The following BAIAP2 variants were observed in gnomAD, a reference collection of about 807,000 sequenced individuals.
BAIAP2 encodes BAR/IMD domain containing adaptor protein 2, also known as BAR/IMD domain-containing adapter protein 2.
A neutral mutation model predicts 63.0 loss-of-function variants in BAIAP2; 18 were observed. The ratio of observed to expected loss-of-function variants is 0.29; its 90% confidence interval spans 0.20 to 0.42. The LOEUF (loss-of-function observed/expected upper bound fraction) is 0.42, where lower values mean the gene tolerates loss of function less well. Ranked by LOEUF, BAIAP2 falls within the 10% of genes least tolerant of loss-of-function variation. BAIAP2 has a pLI of 1.00. For synonymous variants in BAIAP2, 386 were observed against 307.6 expected (o/e 1.25, Z -2.67); for missense variants, 610 against 734.3 (o/e 0.83, Z 1.96).
At chr17:81,040,388 A>G in intron 1 of BAIAP2, among the ~76,000 whole-genome samples, 1 of 152,212 alleles carries the variant, frequency 6.6e-6, no homozygotes, top group East Asian at 1.9e-4. Flanking sequence ...CCGGCCTCCA[A>G]CGCACTTCCA....
intron 1 of BAIAP2, among the ~76,000 whole-genome samples, chr17:81,044,759 T>G (rs2143712009): frequency 6.6e-6 from 1 of 152,350 alleles, no homozygotes; most frequent in African/African-American, 2.4e-5. Flanking sequence ...CTCAGTCAGA[T>G]CGCAGCCCGC....
rs2055662537 is a variant in BAIAP2 at position 81,086,433 on chromosome 17, T to C, written c.352-10T>C. On this transcript the variant is annotated splice_polypyrimidine_tract_variant and intron_variant, in intron 5 of 13. Coordinates refer to ENST00000428708, the MANE Select transcript of BAIAP2 (RefSeq NM_001144888.2). ...GGCCTTGGTTTTGTGTTTTATTGTT[T>C]GAATCTCAGGCTGCGCTGAAGAAAT... 1.2e-6 allele frequency: 2 copies of C among 1,613,196 alleles called. No homozygotes were observed. The highest frequency in any genetic ancestry group is 1.7e-5 in the Admixed American group (1 of 59,930).
At chr17:81,042,758 G>C (rs903007688) in intron 1 of BAIAP2, among the ~76,000 whole-genome samples, 2 of 152,142 alleles carry the variant, frequency 1.3e-5, no homozygotes, top group Non-Finnish European at 2.9e-5. Context: ...TCCCCTAGCC[G>C]CAGGAGCTGG....
chr17:81,039,776 A>G (rs529052742), intron 1 of BAIAP2, among the ~76,000 whole-genome samples: 3 of 152,306 alleles, frequency 2.0e-5, no homozygotes, highest in East Asian at 1.9e-4. Context: ...TCTGCTGGCT[A>G]CAGGCACCAT....
chr17:81,059,911 C>T (rs2050251748), intron 3 of BAIAP2, among the ~76,000 whole-genome samples: 1 of 152,172 alleles, frequency 6.6e-6, no homozygotes, highest in Non-Finnish European at 1.5e-5. Context: ...GGTGGGATTC[C>T]AGAACTTCCT....
At chr17:81,110,851 C>T in intron 13 of BAIAP2, 2 of 1,605,332 alleles carry the variant, frequency 1.2e-6, no homozygotes, top group South Asian at 2.2e-5. Flanking sequence ...GTCCCCCCTC[C>T]TCTGCACCCC....
chr17:81,107,542 A>G (rs2059329279), intron 12 of BAIAP2: 1 of 152,362 alleles, frequency 6.6e-6, no homozygotes, highest in African/African-American at 2.4e-5. Flanking sequence ...GCCGGGTTCC[A>G]GCCCGCTCCG....
rs2054917280 is a variant in BAIAP2 at position 81,083,111 on chromosome 17, G to GCCAGC, written c.218-1714_218-1710dup. 2.0e-5 allele frequency: 3 copies of GCCAGC among 152,282 alleles called. No individual in the cohort carries two copies. The South Asian group carries it at 6.2e-4, about 31-fold the overall frequency. The allele number at this position is 152,282 out of a possible 1,614,324, so 9.4% of individuals were successfully genotyped here. A position where few individuals can be genotyped will look rare whatever the true frequency, so the allele number is the denominator to read the frequency against. ...CTTTGAGGAGGGGAAGTGACCCAAG[G>GCCAGC]CCAGCCCAGCCGTGGTCCTGGGAGG... On this transcript the variant is annotated intron_variant, in intron 3 of 13. Coordinates refer to ENST00000428708, the MANE Select transcript of BAIAP2 (RefSeq NM_001144888.2).
chr17:81,111,100 C>T, intron 13 of BAIAP2: 1 of 981,802 alleles, frequency 1.0e-6, no homozygotes, highest in East Asian at 2.6e-5. Flanking sequence ...GCCTCTCACT[C>T]TGGGTGCTGG....
At chr17:81,076,889 C>G (rs571943041) in intron 3 of BAIAP2, among the ~76,000 whole-genome samples, 2 of 152,222 alleles carry the variant, frequency 1.3e-5, no homozygotes, top group African/African-American at 2.4e-5. Context: ...GAGGATCCCT[C>G]GAACCCAGGA....
Position 81,110,517 on chromosome 17 carries a change from G to A in BAIAP2, c.1535+2008G>A, listed in dbSNP as rs78937000. ...AATAAAAGTTTTATTTATTGCACGAGTTGGGTATGGACCTCCTTCCGGTTC... is the reference window on the plus strand; with the variant it reads ...AATAAAAGTTTTATTTATTGCACGAATTGGGTATGGACCTCCTTCCGGTTC... On this transcript the variant is annotated intron_variant, in intron 13 of 13. Transcript: ENST00000428708. 10 of 1,084,358 alleles carry A rather than the reference G, an allele frequency of 9.2e-6. No homozygotes were observed. The South Asian group carries it at 1.2e-4, about 13-fold the overall frequency. The allele number at this position is 1,084,358 out of a possible 1,614,324, so 67.2% of individuals were successfully genotyped here.
chr17:81,077,932 A>G (rs1456250131), intron 3 of BAIAP2, among the ~76,000 whole-genome samples: 10 of 118,446 alleles, frequency 8.4e-5, no homozygotes, highest in African/African-American at 1.3e-4. Flanking sequence ...TCGGAGCTGG[A>G]TGCTGTGGGT....
rs1242896150 is a variant in BAIAP2 at position 81,116,651 on chromosome 17, C to T, written c.*812C>T. 8.4e-6 allele frequency: 3 copies of T among 358,216 alleles called. No individual in the cohort carries two copies. The highest frequency in any genetic ancestry group is 2.0e-5 in the African/African-American group (1 of 49,038). The allele number at this position is 358,216 out of a possible 1,614,324, so 22.2% of individuals were successfully genotyped here. ...GACTCCTGGGTGGACCTCCCCCCCC[C>T]ACCTCCGCTGACTCCTGCAGGCACT... On this transcript the variant is annotated 3_prime_UTR_variant, in exon 14 of 14. Transcript: ENST00000428708.
intron 13 of BAIAP2, chr17:81,110,918 G>A (rs769737862): frequency 2.7e-5 from 44 of 1,613,890 alleles, no homozygotes; most frequent in East Asian, 6.7e-5. Flanking sequence ...TTGCAGCGCC[G>A]ATGTGGAAGT....
chr17:81,096,753 G>A (rs562340415), intron 6 of BAIAP2, among the ~76,000 whole-genome samples: 7 of 152,262 alleles, frequency 4.6e-5, no homozygotes, highest in Non-Finnish European at 7.3e-5. Context: ...TCCTGGCCAC[G>A]GCCATCATGC....
rs4969391 is a variant in BAIAP2 at position 81,115,790 on chromosome 17, A to G, written c.1556A>G (p.Gln519Arg). Residue 519 changes from glutamine to arginine, a missense_variant, in exon 14 of 14, where the codon CAG becomes CGG. By Grantham distance (43) the Gln-to-Arg change is conservative. Around this residue, in one of 5 missense-constraint regions of BAIAP2, gnomAD observed 114 missense variants for 98.2 expected, o/e 1.16. Coordinates refer to ENST00000428708, the MANE Select transcript of BAIAP2 (RefSeq NM_001144888.2). Reference protein sequence around the residue: ...SMSRNPFAHVQLKPTVTNDRS... With the variant: ...SMSRNPFAHVRLKPTVTNDRS... ...TTCAGGAATCCCTTTGCCCACGTCC[A>G]GCTGAAGCCGACAGTGACCAACGAC... 270,539 of 1,613,272 alleles carry G rather than the reference A, an allele frequency of 0.17. 24,873 individuals are homozygous for G. The highest frequency in any genetic ancestry group is 0.37 in the Admixed American group (21,959 of 59,996).
At chr17:81,062,340 T>C (rs973047042) in intron 3 of BAIAP2, among the ~76,000 whole-genome samples, 1 of 151,848 alleles carries the variant, frequency 6.6e-6, no homozygotes, top group African/African-American at 2.4e-5. Context: ...AGTTTTTTGG[T>C]ATTATAGCTC....
At chr17:81,055,463 A>G (rs1270943567) in intron 2 of BAIAP2, among the ~76,000 whole-genome samples, 1 of 147,594 alleles carries the variant, frequency 6.8e-6, no homozygotes, top group East Asian at 2.0e-4. Flanking sequence ...GTTTCTCTCC[A>G]CCCTGCCCCT....
chr17:81,037,070 C>A, intron 1 of BAIAP2: 1 of 920,916 alleles, frequency 1.1e-6, no homozygotes, highest in Non-Finnish European at 1.7e-6. Flanking sequence ...TGTAATTTAT[C>A]TGCAGGTCTA....
Sources: allele counts gnomAD v4.1 joint callset (sites outside exome capture counted in the v4.1 genomes callset), GRCh38; gene constraint gnomAD v4.1.1; regional missense constraint gnomAD v4.1.1; transcripts MANE v1.5; gene names NCBI Gene and HGNC (gene_info 2026-07-23, HGNC 2026-07-21).